Variants in DENND5B observed in about 807,000 individuals in gnomAD.
DENND5B encodes the protein DENN domain containing 5B.
A neutral mutation model predicts 140.6 loss-of-function variants in DENND5B; 34 were observed. The ratio of observed to expected loss-of-function variants is 0.24; its 90% CI spans 0.18 to 0.32. DENND5B has a LOEUF of 0.32. Ranked by LOEUF, DENND5B falls within the 10% of genes least tolerant of loss-of-function variation. The pLI is 1.00. For synonymous variants in DENND5B, 551 were observed against 562.1 expected (o/e 0.98, Z 0.28); for missense variants, 1,142 against 1,560.2 (o/e 0.73, Z 4.52).
chr12:31,574,965 T>C (rs1206969534), intron 1 of DENND5B, among the ~76,000 whole-genome samples: 1 of 152,236 alleles, frequency 6.6e-6, no homozygotes, highest in Non-Finnish European at 1.5e-5. Context: ...CCAATGCCTG[T>C]GTTTTAACTG....
intron 2 of DENND5B, among the ~76,000 whole-genome samples, chr12:31,490,698 A>G (rs1946491153): frequency 6.6e-6 from 1 of 152,200 alleles, no homozygotes; most frequent in Admixed American, 6.5e-5. Flanking sequence ...AAACCTATGA[A>G]TGTAATTTGG....
intron 6 of DENND5B, among the ~76,000 whole-genome samples, chr12:31,445,765 T>G (rs1169592559): frequency 1.3e-5 from 2 of 151,034 alleles, no homozygotes; most frequent in Non-Finnish European, 2.9e-5. Flanking sequence ...CTGAAGCAGG[T>G]GGATCACTTA....
chr12:31,541,169 C>T (rs932391903), intron 1 of DENND5B: 3 of 272,676 alleles, frequency 1.1e-5, no homozygotes, highest in Admixed American at 4.6e-5. Context: ...TTGAGTAATA[C>T]CCCACAAGCA....
At chr12:31,388,065 C>A (rs898950713) in intron 20 of DENND5B, among the ~76,000 whole-genome samples, 7 of 151,858 alleles carry the variant, frequency 4.6e-5, no homozygotes, top group African/African-American at 1.7e-4. Flanking sequence ...AAAGTCTATG[C>A]ACATTAAAGA....
chr12:31,446,016 A>G (rs1944261098), intron 6 of DENND5B, among the ~76,000 whole-genome samples: 1 of 152,016 alleles, frequency 6.6e-6, no homozygotes, highest in Non-Finnish European at 1.5e-5. Context: ...TCAAAAGAAA[A>G]AAAAAAAAAT....
intron 11 of DENND5B, among the ~76,000 whole-genome samples, chr12:31,418,749 G>A (rs1003562334): frequency 6.6e-6 from 1 of 152,118 alleles, no homozygotes; most frequent in East Asian, 1.9e-4. Flanking sequence ...GTTGGCTAGA[G>A]GGAGACACGA....
chr12:31,522,029 G>A (rs977020898), intron 1 of DENND5B, among the ~76,000 whole-genome samples: 2 of 152,016 alleles, frequency 1.3e-5, no homozygotes, highest in African/African-American at 4.8e-5. Context: ...TCTCTCTCAT[G>A]TTAGCTATAG....
intron 1 of DENND5B, among the ~76,000 whole-genome samples, chr12:31,521,657 AGAC>A (rs1279084910): frequency 1.3e-5 from 2 of 152,168 alleles, no homozygotes; most frequent in African/African-American, 4.8e-5. Context: ...GCGTCAACAA[AGAC>A]CACCACCATC....
At chr12:31,556,871 C>G (rs985251594) in intron 1 of DENND5B, among the ~76,000 whole-genome samples, 8 of 151,952 alleles carry the variant, frequency 5.3e-5, no homozygotes, top group African/African-American at 1.9e-4. Flanking sequence ...GCCTCTTGAC[C>G]CAGCAGTTTC....
intron 2 of DENND5B, among the ~76,000 whole-genome samples, chr12:31,481,136 C>T (rs1373733777): frequency 1.3e-5 from 2 of 152,068 alleles, no homozygotes; most frequent in Admixed American, 6.6e-5. Context: ...TTAGATATTT[C>T]TATTTTTGTA....
At chr12:31,416,653 A>C (rs1228209017) in intron 11 of DENND5B, among the ~76,000 whole-genome samples, 2 of 152,118 alleles carry the variant, frequency 1.3e-5, no homozygotes, top group Non-Finnish European at 2.9e-5. Context: ...AATGTGAAAC[A>C]TCTCTGGGCT....
intron 3 of DENND5B, among the ~76,000 whole-genome samples, chr12:31,474,563 T>C (rs1280661891): frequency 1.3e-5 from 2 of 152,204 alleles, no homozygotes; most frequent in Non-Finnish European, 2.9e-5. Context: ...TGGATCAGAA[T>C]TTCAAATCAG....
At chr12:31,523,778 C>A (rs993903136) in intron 1 of DENND5B, among the ~76,000 whole-genome samples, 5 of 152,130 alleles carry the variant, frequency 3.3e-5, no homozygotes, top group African/African-American at 9.7e-5. Flanking sequence ...TATATTTTCC[C>A]TCATTTGTAT....
intron 3 of DENND5B, among the ~76,000 whole-genome samples, chr12:31,463,560 C>T (rs947869504): frequency 2.6e-5 from 4 of 152,158 alleles, no homozygotes; most frequent in Non-Finnish European, 5.9e-5. Flanking sequence ...CTTAAAAAGA[C>T]ATGCTTAGAT....
chr12:31,383,508 T>G lies in DENND5B; in HGVS notation c.*4095A>C, dbSNP rs1448408071. ...AATTTTTTAAAAAGCCATGTGAAAG[T>G]AAATACCACAAGGTTACAAAAGGTA... On this transcript the variant is annotated 3_prime_UTR_variant, in exon 21 of 21. Coordinates refer to ENST00000389082, the MANE Select transcript of DENND5B (RefSeq NM_144973.4). 6.6e-6 allele frequency: 1 copy of G among 152,136 alleles called. No homozygotes were observed. The highest frequency in any genetic ancestry group is 1.5e-5 in the Non-Finnish European group (1 of 68,020). 9.4% of individuals were successfully genotyped at this position (152,136 alleles called of 1,614,324 possible).
intron 1 of DENND5B, among the ~76,000 whole-genome samples, chr12:31,556,487 C>T (rs1376109135): frequency 1.3e-5 from 2 of 152,150 alleles, no homozygotes; most frequent in African/African-American, 4.8e-5. Flanking sequence ...CAGGCGTGAG[C>T]CACCATGCCC....
Position 31,412,349 on chromosome 12 carries a change from A to AC in DENND5B, c.2681+1086dup, listed in dbSNP as rs1942504704. 4.6e-5 allele frequency among the ~76,000 whole-genome samples: 7 copies of AC among 152,154 alleles called. 1 individual carries two copies. The South Asian group carries it at 1.4e-3, about 32-fold the overall frequency. ...CCCGGCTCTAAACCAGTGGTTCCCA[A>AC]CCTTTTTGGCGCCAGGGACCTGTTT... On this transcript the variant is annotated intron_variant, in intron 13 of 20. Coordinates refer to ENST00000389082, the MANE Select transcript of DENND5B (RefSeq NM_144973.4).
intron 1 of DENND5B, among the ~76,000 whole-genome samples, chr12:31,544,353 C>T (rs7297507): frequency 0.4 from 61,555 of 152,054 alleles, 12,969 homozygotes; most frequent in East Asian, 0.57. Flanking sequence ...ACAAGCACAG[C>T]TCACTGTAGC....
chr12:31,573,198 A>G (rs982074257), intron 1 of DENND5B, among the ~76,000 whole-genome samples: 8 of 152,232 alleles, frequency 5.3e-5, no homozygotes, highest in African/African-American at 1.9e-4. Flanking sequence ...AAAATATTCA[A>G]TTGTGTTACT....
Sources: gnomAD v4.1 joint callset for allele counts (sites outside exome capture counted in the v4.1 genomes callset) on GRCh38, gnomAD v4.1.1 for gene constraint, MANE v1.5 for transcripts, NCBI Gene and HGNC (gene_info 2026-07-23, HGNC 2026-07-21) for gene names.